Variants in COL5A2 observed in about 807,000 individuals in gnomAD.
COL5A2 encodes the protein collagen alpha-2(V) chain.
A neutral mutation model predicts 208.2 loss-of-function variants in COL5A2; 23 were observed. The ratio of observed to expected loss-of-function variants is 0.11; its 90% confidence interval spans 0.08 to 0.16. COL5A2 has a LOEUF of 0.16. Among genes scored for constraint, COL5A2 ranks in the 10% least tolerant of loss-of-function variants. COL5A2 has a pLI of 1.00. For synonymous variants in COL5A2, 625 were observed against 628.5 expected, an observed-to-expected ratio of 0.99 and a Z score of 0.08; for missense variants, 1,590 against 1,956.4, an observed-to-expected ratio of 0.81 and a Z score of 3.53.
In COL5A2 at chr2:189,079,967, T is replaced by A; in HGVS notation, c.960+11A>T. ...CAAAGTGAGGTTACAGTGAGATAATTATAAGATTACCTTGGAACCAGGTGC... is the reference window on the plus strand; with the variant it reads ...CAAAGTGAGGTTACAGTGAGATAATAATAAGATTACCTTGGAACCAGGTGC... On this transcript the variant is annotated intron_variant, in intron 14 of 53. Coordinates refer to ENST00000374866, the MANE Select transcript of COL5A2 (RefSeq NM_000393.5). The A allele has an allele frequency of 6.2e-7, 1 of 1,609,608 alleles. No homozygotes were observed. Among genetic ancestry groups the A allele is most frequent in the South Asian group, 1.1e-5 (1 of 90,984 alleles).
the COL5A2 span, among the ~76,000 whole-genome samples, chr2:189,349,723 T>C: frequency 1.3e-5 from 2 of 152,286 alleles, no homozygotes; most frequent in African/African-American, 4.8e-5. Context: ...ACAAACACGT[T>C]AACTTTTTAT....
chr2:189,145,690 G>T (rs1688025655), intron 1 of COL5A2, among the ~76,000 whole-genome samples: 1 of 151,968 alleles, frequency 6.6e-6, no homozygotes, highest in African/African-American at 2.4e-5. Context: ...ATATTTTAAA[G>T]AAAAATACAT....
chr2:189,083,321 G>C (rs929755845), intron 12 of COL5A2, among the ~76,000 whole-genome samples: 1 of 152,178 alleles, frequency 6.6e-6, no homozygotes, highest in Non-Finnish European at 1.5e-5. Context: ...AAAGGGGCCA[G>C]GTCTTGGATT....
the COL5A2 span, among the ~76,000 whole-genome samples, chr2:189,252,851 G>A: frequency 1.3e-5 from 2 of 152,122 alleles, no homozygotes; most frequent in Non-Finnish European, 2.9e-5. Flanking sequence ...GTATATTTTA[G>A]TATAGCTGGG....
the COL5A2 span, among the ~76,000 whole-genome samples, chr2:189,357,956 G>T: frequency 1.3e-5 from 2 of 151,894 alleles, no homozygotes; most frequent in East Asian, 3.9e-4. Context: ...AGCCCCTCAC[G>T]GCTTCCCTTG....
At chr2:189,072,765 C>CAAAAAA (rs58636533) in intron 17 of COL5A2, among the ~76,000 whole-genome samples, 3,528 of 67,360 alleles carry the variant, frequency 0.052, 107 homozygotes, top group African/African-American at 0.078. Context: ...ACTCCATCTC[C>CAAAAAA]AAAAAAAAAA....
At chr2:189,392,837 G>A in the COL5A2 span, among the ~76,000 whole-genome samples, 1 of 152,154 alleles carries the variant, frequency 6.6e-6, no homozygotes, top group Non-Finnish European at 1.5e-5. Flanking sequence ...GTCTAGTGAT[G>A]AATTATCCAA....
At chr2:189,061,638 A>G in intron 29 of COL5A2, 23 bp from the exon 30 acceptor site, 1 of 1,579,224 alleles carries the variant, frequency 6.3e-7, no homozygotes, top group Non-Finnish European at 8.7e-7. Flanking sequence ...GGAGAAAATA[A>G]TTGTGAATAT....
chr2:189,310,318 T>A, the COL5A2 span, among the ~76,000 whole-genome samples: 1 of 152,152 alleles, frequency 6.6e-6, no homozygotes, highest in African/African-American at 2.4e-5. Flanking sequence ...TATGAAAAGG[T>A]GCTCAACACC....
rs573231986 is a variant in COL5A2, at chr2:189,076,996, T to A, written c.1059+1520A>T. ...TGAGAGTATCGCTTGAGCCCAGGAG[T>A]TCAAGGCTACAGTGAGCTATGATTG... On this transcript the variant is annotated intron_variant, in intron 16 of 53. Transcript: ENST00000374866. Among the ~76,000 whole-genome samples the A allele has an allele frequency of 4.6e-5, 7 of 151,848 alleles. No homozygotes were observed. The South Asian group carries it at 1.5e-3, about 32-fold the overall frequency.
the COL5A2 span, among the ~76,000 whole-genome samples, chr2:189,393,494 T>A: frequency 6.6e-6 from 1 of 152,172 alleles, no homozygotes; most frequent in Non-Finnish European, 1.5e-5. Context: ...TATCTCTATT[T>A]AAATTGTATG....
the COL5A2 span, among the ~76,000 whole-genome samples, chr2:189,321,651 C>G: frequency 6.6e-6 from 1 of 152,170 alleles, no homozygotes; most frequent in African/African-American, 2.4e-5. Context: ...TACAGGAGCA[C>G]CCAGCTTCAT....
chr2:189,081,482 A>G (rs1686532933), intron 12 of COL5A2, among the ~76,000 whole-genome samples: 1 of 152,176 alleles, frequency 6.6e-6, no homozygotes, highest in South Asian at 2.1e-4. Flanking sequence ...TATTTATGGT[A>G]CACGATTAAA....
chr2:189,244,834 G>C, the COL5A2 span, among the ~76,000 whole-genome samples: 1 of 152,154 alleles, frequency 6.6e-6, no homozygotes, highest in Non-Finnish European at 1.5e-5. Context: ...TGCCAATAAA[G>C]ACATACCTGA....
intron 1 of COL5A2, among the ~76,000 whole-genome samples, chr2:189,161,309 T>C (rs1688358993): frequency 6.6e-6 from 1 of 152,112 alleles, no homozygotes; most frequent in African/African-American, 2.4e-5. Flanking sequence ...TTATAGTTAT[T>C]TGTTAATGTA....
At chr2:189,037,852 A>C (rs1685474321) in intron 51 of COL5A2, among the ~76,000 whole-genome samples, 1 of 152,218 alleles carries the variant, frequency 6.6e-6, no homozygotes, top group Admixed American at 6.5e-5. Context: ...TAAGACACTT[A>C]TAGGTCATGC....
At chr2:189,238,285 C>A in the COL5A2 span, among the ~76,000 whole-genome samples, 1 of 152,038 alleles carries the variant, frequency 6.6e-6, no homozygotes, top group Non-Finnish European at 1.5e-5. Flanking sequence ...CACTGAGCAT[C>A]GCCATCTTGT....
At chr2:189,310,242 A>T in the COL5A2 span, among the ~76,000 whole-genome samples, 88 of 152,316 alleles carry the variant, frequency 5.8e-4, no homozygotes, top group Non-Finnish European at 1.1e-3. Context: ...ACAATCCAAT[A>T]AAAAAACCGG....
intron 1 of COL5A2, among the ~76,000 whole-genome samples, chr2:189,129,375 A>G (rs935864371): frequency 1.3e-5 from 2 of 152,054 alleles, no homozygotes; most frequent in Admixed American, 1.3e-4. Context: ...ATGTTTTTCA[A>G]TATGAAATAT....
Sources: gnomAD v4.1 joint callset for allele counts (sites outside exome capture counted in the v4.1 genomes callset) on GRCh38, gnomAD v4.1.1 for gene constraint, MANE v1.5 for transcripts, NCBI Gene and HGNC (gene_info 2026-07-23, HGNC 2026-07-21) for gene names.